ANKHD1: variants seen among roughly 807,000 people sequenced by gnomAD.
ANKHD1 encodes ankyrin repeat and KH domain containing 1.
Under a neutral mutation model 230.5 loss-of-function variants are expected in ANKHD1, and 31 were observed. The ratio of observed to expected loss-of-function variants is 0.13; its 90% confidence interval spans 0.10 to 0.18. The LOEUF (loss-of-function observed/expected upper bound fraction) is 0.18. Among genes scored for constraint, ANKHD1 ranks in the 10% least tolerant of loss-of-function variants. The pLI is 1.00. For synonymous variants in ANKHD1, 1,074 were observed against 1,117.6 expected (o/e 0.96, Z 0.78); for missense variants, 2,256 against 3,071.3 (o/e 0.73, Z 6.27).
At chr5:140,406,360 G>A (rs1770445238) in intron 1 of ANKHD1, among the ~76,000 whole-genome samples, 1 of 152,124 alleles carries the variant, frequency 6.6e-6, no homozygotes, top group African/African-American at 2.4e-5. Flanking sequence ...GATTAGGTGA[G>A]AAATAAGAAA....
In ANKHD1 at chr5:140,485,297, C is replaced by G; in HGVS notation, c.1998+49C>G. The G allele has an allele frequency of 6.4e-7, 1 of 1,574,074 alleles. No homozygotes were observed. Among genetic ancestry groups the G allele is most frequent in the Non-Finnish European group, 8.7e-7 (1 of 1,154,954 alleles). On this transcript the variant is annotated intron_variant, in intron 12 of 33. Transcript: ENST00000360839. The surrounding 1 kb of genome is among the most constrained non-coding windows in gnomAD (Gnocchi z 4.8). The stretch of plus-strand genomic sequence containing the variant: ...ACAGGCTGTGTGCGGTGGCTCATGT[C>G]TATGATCCCAGCACTTTAGAAAGCT...
At chr5:140,474,598 CTTTTTTTTT>C (rs771180811) in intron 10 of ANKHD1, among the ~76,000 whole-genome samples, 1 of 120,868 alleles carries the variant, frequency 8.3e-6, no homozygotes. Flanking sequence ...TTTTTTTCTT[CTTTTTTTTT>C]TTTTTTTTGG....
chr5:140,496,452 T>TC, intron 14 of ANKHD1, 68 bp from the exon 15 acceptor site: 1 of 1,129,406 alleles, frequency 8.9e-7, no homozygotes, highest in Middle Eastern at 3.2e-4. Context: ...TCTTTTTTTT[T>TC]TTTCTTTTCT....
intron 1 of ANKHD1, among the ~76,000 whole-genome samples, 176 bp downstream of exon 1, chr5:140,402,449 G>C (rs1382293894): frequency 6.6e-6 from 1 of 152,224 alleles, no homozygotes; most frequent in African/African-American, 2.4e-5. Context: ...TTACTCTTTA[G>C]CTCGAGCGGG....
intron 1 of ANKHD1, among the ~76,000 whole-genome samples, chr5:140,431,924 C>A (rs1288964950): frequency 2.0e-5 from 3 of 152,060 alleles, no homozygotes; most frequent in African/African-American, 7.2e-5. Context: ...TTATTGACAC[C>A]CAGGAAGTCA....
At chr5:140,474,169 C>G (rs185292386) in intron 10 of ANKHD1, among the ~76,000 whole-genome samples, 1 of 152,262 alleles carries the variant, frequency 6.6e-6, no homozygotes, top group Admixed American at 6.5e-5. Flanking sequence ...GCCTTAGGAC[C>G]AGTGCCTCTT....
intron 30 of ANKHD1, chr5:140,537,179 A>G (rs1754123638): frequency 1.2e-6 from 1 of 858,076 alleles, no homozygotes; most frequent in South Asian, 2.4e-5. Context: ...ATCGTGTAGG[A>G]TAATGTCTAT....
intron 14 of ANKHD1, among the ~76,000 whole-genome samples, chr5:140,490,406 T>C (rs1751720204): frequency 6.6e-6 from 1 of 152,246 alleles, no homozygotes; most frequent in African/African-American, 2.4e-5. Flanking sequence ...GTACCATTTG[T>C]ACAGGCTCCG....
At chr5:140,486,743 C>T in intron 13 of ANKHD1, 1 of 364,614 alleles carries the variant, frequency 2.7e-6, no homozygotes. Context: ...TTCCATTTAG[C>T]TTAAAATCAT....
At chr5:140,416,079 T>C (rs1257105715) in intron 1 of ANKHD1, among the ~76,000 whole-genome samples, 1 of 152,196 alleles carries the variant, frequency 6.6e-6, no homozygotes, top group Non-Finnish European at 1.5e-5. Flanking sequence ...AGAATGATGG[T>C]TTCCAGCTTC....
In ANKHD1 at chr5:140,436,160, A is replaced by G. The variant is rs1233060325; in HGVS notation, c.363A>G (p.Thr121=). The part of the protein sequence containing the change: ...EDLDNPVLKT[T]SEIFLSSTAE... ...TGGATAACCCAGTGCTTAAAACAACATCAGAGATATTCTTATCAAGTACTG... is the reference window on the plus strand; with the variant it reads ...TGGATAACCCAGTGCTTAAAACAACGTCAGAGATATTCTTATCAAGTACTG... The change falls in exon 2 of 34, where the codon ACA becomes ACG. Residue 121 remains threonine (T), a synonymous_variant. Coordinates refer to ENST00000360839, the MANE Select transcript of ANKHD1 (RefSeq NM_017747.3). 6.2e-7 allele frequency: 1 copy of G among 1,607,982 alleles called. No individual in the cohort carries two copies. The highest frequency in any genetic ancestry group is 8.5e-7 in the Non-Finnish European group (1 of 1,177,408).
chr5:140,485,575 C>A lies in ANKHD1; in HGVS notation c.1999-14C>A. The A allele has an allele frequency of 6.2e-7, 1 of 1,611,548 alleles. No individual in the cohort carries two copies. The highest frequency in any genetic ancestry group is 1.1e-5 in the South Asian group (1 of 90,774). ...AACTATAAAGAATTAATTATCATGGCAATTCTTTTTCAGGATGGTTCAACA... is the reference window on the plus strand; with the variant it reads ...AACTATAAAGAATTAATTATCATGGAAATTCTTTTTCAGGATGGTTCAACA... On this transcript the variant is annotated splice_polypyrimidine_tract_variant and intron_variant, in intron 12 of 33. Transcript: ENST00000360839. This position sits in a 1 kb window ranked among gnomAD's most constrained non-coding sequence, Gnocchi z 4.8.
intron 10 of ANKHD1, among the ~76,000 whole-genome samples, chr5:140,465,855 G>T (rs920047048): frequency 6.6e-6 from 1 of 152,086 alleles, no homozygotes; most frequent in Non-Finnish European, 1.5e-5. Flanking sequence ...TATATGTTAA[G>T]TACATCTTAG....
intron 22 of ANKHD1, among the ~76,000 whole-genome samples, chr5:140,512,096 C>T (rs992482666): frequency 3.9e-5 from 6 of 151,948 alleles, no homozygotes; most frequent in African/African-American, 7.3e-5. Context: ...ATTAGCCAGG[C>T]GTGATGGTAG....
At chr5:140,524,917 G>T in intron 25 of ANKHD1, 1 of 306,448 alleles carries the variant, frequency 3.3e-6, no homozygotes, top group South Asian at 2.6e-5. Context: ...TGACCAATAT[G>T]GTGAAACCCC....
At chr5:140,452,803 CA>C in intron 7 of ANKHD1, among the ~76,000 whole-genome samples, 1 of 152,160 alleles carries the variant, frequency 6.6e-6, no homozygotes, top group Admixed American at 6.5e-5. Flanking sequence ...TTCTAAAAAT[CA>C]GAGCAACTCT....
intron 1 of ANKHD1, among the ~76,000 whole-genome samples, chr5:140,419,774 T>TTTTCTTTCTTTCTTTCTTTC (rs199550424): frequency 1.2e-5 from 1 of 86,826 alleles, no homozygotes; most frequent in African/African-American, 3.4e-5. Context: ...TTTCCTTTCT[T>TTTTCTTTCTTTCTTTCTTTC]TTTCTTTCTT....
At chr5:140,509,593 A>G (rs1181804658) in intron 20 of ANKHD1, 44 bp from the exon 21 acceptor site, 1 of 1,463,390 alleles carries the variant, frequency 6.8e-7, no homozygotes, top group Non-Finnish European at 9.0e-7. Context: ...GAATAGTTAA[A>G]AAAAGAAATG....
At chr5:140,402,787 A>C (rs1441194796) in intron 1 of ANKHD1, among the ~76,000 whole-genome samples, 2 of 152,004 alleles carry the variant, frequency 1.3e-5, no homozygotes, top group Non-Finnish European at 2.9e-5. Context: ...AGGTTTGAGT[A>C]TTAGGGATCT....
Sources: gnomAD v4.1 joint callset for allele counts (sites outside exome capture counted in the v4.1 genomes callset) on GRCh38, gnomAD v4.1.1 for gene constraint, Gnocchi (gnomAD v3.1) non-coding constraint, MANE v1.5 for transcripts, NCBI Gene and HGNC (gene_info 2026-07-23, HGNC 2026-07-21) for gene names.